ST6GAL1: variants seen among roughly 807,000 people sequenced by gnomAD.
ST6GAL1 encodes the protein ST6 beta-galactoside alpha-2,6-sialyltransferase 1.
Under a neutral mutation model 38.0 loss-of-function variants are expected in ST6GAL1, and 20 were observed. That is an observed-to-expected ratio of 0.53 (90% CI 0.37 to 0.77). The LOEUF (loss-of-function observed/expected upper bound fraction) is 0.77. Among genes scored for constraint, ST6GAL1 ranks in the 30% least tolerant of loss-of-function variants. ST6GAL1 has a pLI of 0.00. For missense variants in ST6GAL1, 432 were observed against 496.4 expected, an observed-to-expected ratio of 0.87 and a Z score of 1.23; for synonymous variants, 196 against 188.2, an observed-to-expected ratio of 1.04 and a Z score of -0.34.
chr3:186,950,283 C>G (rs777393032), intron 1 of ST6GAL1, among the ~76,000 whole-genome samples: 10 of 152,330 alleles, frequency 6.6e-5, no homozygotes, highest in Non-Finnish European at 1.0e-4. Flanking sequence ...GACAGGTGAG[C>G]CCTCGGGCTT....
chr3:186,946,557 T>C (rs945740286), intron 1 of ST6GAL1, among the ~76,000 whole-genome samples: 2 of 152,040 alleles, frequency 1.3e-5, no homozygotes, highest in African/African-American at 4.8e-5. Flanking sequence ...AAACAGCTAT[T>C]GTGTAAAGCA....
At chr3:187,008,287 C>T (rs939155534) in intron 2 of ST6GAL1, among the ~76,000 whole-genome samples, 2 of 148,020 alleles carry the variant, frequency 1.4e-5, no homozygotes, top group Admixed American at 6.8e-5. Flanking sequence ...TAAAATATGA[C>T]ACATTATACG....
intron 5 of ST6GAL1, among the ~76,000 whole-genome samples, chr3:187,067,781 G>T (rs1484081429): frequency 1.3e-5 from 2 of 152,120 alleles, no homozygotes; most frequent in Non-Finnish European, 2.9e-5. Context: ...CCTGCCTCTG[G>T]GCTCTGGTTC....
At chr3:186,973,817 C>T (rs6444190) in intron 2 of ST6GAL1, among the ~76,000 whole-genome samples, 31,410 of 152,080 alleles carry the variant, frequency 0.21, 3,441 homozygotes, top group African/African-American at 0.28. Context: ...GTTCAGTCAG[C>T]GAAGAGTGTC....
At position 186,956,169 on chromosome 3, in the gene ST6GAL1, G is replaced by A. The variant is rs1714744397; in HGVS notation, c.-324-7616G>A. Among the ~76,000 whole-genome samples the A allele has an allele frequency of 2.6e-5, 4 of 152,180 alleles. No individual in the cohort carries two copies. The South Asian group carries it at 8.3e-4, about 32-fold the overall frequency. Reference sequence around the variant, plus strand: ...TGTTGCAAGCAGCCGGTCCCACAGAGTGAGAAAAATCCCTGTGAAAAATGT... The same window carrying A: ...TGTTGCAAGCAGCCGGTCCCACAGAATGAGAAAAATCCCTGTGAAAAATGT... On this transcript the variant is annotated intron_variant, in intron 1 of 7. Transcript: ENST00000169298.
At chr3:187,072,739 C>G (rs927758922) in intron 5 of ST6GAL1, 110 bp from the exon 6 acceptor site, 2 of 921,722 alleles carry the variant, frequency 2.2e-6, no homozygotes, top group Non-Finnish European at 3.6e-6. Context: ...TTAGAAGCCT[C>G]ATGGGGCTCT....
rs77326639 is a variant in ST6GAL1, at chr3:187,015,885, G to A, written c.-182-22857G>A. On this transcript the variant is annotated intron_variant, in intron 2 of 7. Transcript: ENST00000169298. ...ATAAAAGAGTACAGTCTTGGATTCA[G>A]ACAGTTCTGGGTTCAAACCTTGGCC... Among the ~76,000 whole-genome samples the A allele has an allele frequency of 6.5e-3, 983 of 152,282 alleles. 14 individuals are homozygous for A. The highest frequency in any genetic ancestry group is 0.025 in the South Asian group (121 of 4,830).
chr3:186,932,926 G>C (rs1713810916), intron 1 of ST6GAL1, among the ~76,000 whole-genome samples: 1 of 152,184 alleles, frequency 6.6e-6, no homozygotes, highest in South Asian at 2.1e-4. Context: ...TTTCCTTAGA[G>C]TTTCCAGCGT....
intron 2 of ST6GAL1, among the ~76,000 whole-genome samples, chr3:186,992,758 T>C (rs1716220317): frequency 6.6e-6 from 1 of 152,174 alleles, no homozygotes; most frequent in Non-Finnish European, 1.5e-5. Flanking sequence ...ATCTCACCAC[T>C]GTACGCTAGC....
intron 5 of ST6GAL1, among the ~76,000 whole-genome samples, chr3:187,066,812 C>T (rs1471621203): frequency 6.6e-6 from 1 of 152,128 alleles, no homozygotes; most frequent in Non-Finnish European, 1.5e-5. Flanking sequence ...GAACTCCTCC[C>T]CTGCCCCCTA....
At chr3:186,977,516 G>A (rs1440165955) in intron 2 of ST6GAL1, among the ~76,000 whole-genome samples, 2 of 152,296 alleles carry the variant, frequency 1.3e-5, no homozygotes, top group East Asian at 3.9e-4. Flanking sequence ...CCTCTGAAAA[G>A]CTCAGAGCTA....
At chr3:187,018,138 G>A (rs1041298225) in intron 2 of ST6GAL1, among the ~76,000 whole-genome samples, 1 of 152,130 alleles carries the variant, frequency 6.6e-6, no homozygotes, top group South Asian at 2.1e-4. Context: ...GGAGAGGCAG[G>A]CTGGTATCTG....
At chr3:186,996,764 G>C (rs564137088) in intron 2 of ST6GAL1, 1 of 152,184 alleles carries the variant, frequency 6.6e-6, no homozygotes, top group East Asian at 1.9e-4. Context: ...AGAATTCCAG[G>C]CTCATGCACA....
At chr3:186,934,067 A>T (rs573809140) in intron 1 of ST6GAL1, among the ~76,000 whole-genome samples, 1 of 152,320 alleles carries the variant, frequency 6.6e-6, no homozygotes, top group South Asian at 2.1e-4. Context: ...AAGACAGAAG[A>T]GAGAGGCGCC....
intron 2 of ST6GAL1, among the ~76,000 whole-genome samples, chr3:187,026,867 A>G (rs1469816924): frequency 6.6e-6 from 1 of 152,042 alleles, no homozygotes. Context: ...AACACGGTGA[A>G]ACCCCATCTC....
intron 1 of ST6GAL1, among the ~76,000 whole-genome samples, chr3:186,948,121 A>G (rs1714441661): frequency 1.3e-5 from 2 of 152,070 alleles, no homozygotes; most frequent in African/African-American, 4.8e-5. Flanking sequence ...TTGCTGGGGA[A>G]TTTCTGGGCC....
At chr3:187,019,275 T>C (rs1436484847) in intron 2 of ST6GAL1, among the ~76,000 whole-genome samples, 1 of 152,148 alleles carries the variant, frequency 6.6e-6, no homozygotes, top group African/African-American at 2.4e-5. Flanking sequence ...TGAGGAGATA[T>C]GAAAAATCTA....
chr3:187,072,996 C>A, intron 6 of ST6GAL1, 49 bp downstream of exon 6: 4 of 1,449,326 alleles, frequency 2.8e-6, no homozygotes, highest in Non-Finnish European at 2.9e-6. Context: ...TGTCTGTCTA[C>A]AGATTTTCCT....
At chr3:186,931,741 G>C (rs1288893782) in intron 1 of ST6GAL1, among the ~76,000 whole-genome samples, 4 of 152,198 alleles carry the variant, frequency 2.6e-5, no homozygotes, top group African/African-American at 7.2e-5. Context: ...GCCCGTGTCC[G>C]TGTGCCCAGA....
Sources: allele counts gnomAD v4.1 joint callset (sites outside exome capture counted in the v4.1 genomes callset), GRCh38; gene constraint gnomAD v4.1.1; transcripts MANE v1.5; gene names NCBI Gene and HGNC (gene_info 2026-07-23, HGNC 2026-07-21).